Variants in TPCN2 observed in about 807,000 individuals in gnomAD.
TPCN2 encodes two pore channel protein 2.
In TPCN2, 92 loss-of-function variants were observed where a neutral mutation model predicts 111.4. The observed-to-expected ratio is 0.83, with a 90% CI of 0.70 to 0.98. The LOEUF (loss-of-function observed/expected upper bound fraction) is 0.98. TPCN2 is among the 50% of genes least tolerant of loss of function. The probability of loss-of-function intolerance (pLI) is 0.00; values close to 1 mark genes in which losing one functional copy is unlikely to be tolerated. For synonymous variants in TPCN2, 405 were observed against 414.5 expected (o/e 0.98, Z 0.28); for missense variants, 995 against 980.1 (o/e 1.02, Z -0.20).
rs1855323370 is a variant in TPCN2, at chr11:69,067,484, C to CT, written c.727-18dup. 6.2e-7 allele frequency: 1 copy of CT among 1,607,890 alleles called. No homozygotes were observed. The highest frequency in any genetic ancestry group is 1.1e-5 in the South Asian group (1 of 91,022). Reference sequence around the variant, plus strand: ...GTGGGGACCCAGTGGTGCCCTGGAGCTGCCGCTTCTGCTCTTAGCAGGATG... The same window carrying CT: ...GTGGGGACCCAGTGGTGCCCTGGAGCTTGCCGCTTCTGCTCTTAGCAGGATG... On this transcript the variant is annotated intron_variant, in intron 7 of 24. Transcript: ENST00000294309.
rs1856376286 is a variant in TPCN2 at position 69,089,254 on chromosome 11, CA to C, written c.*1303del. ...TACTCGTGTTGAATAATAACAATAA[CA>C]ATAACAATAACAATATGGAAACCAC... On this transcript the variant is annotated 3_prime_UTR_variant, in exon 25 of 25. Transcript: ENST00000294309. 6.6e-6 allele frequency: 1 copy of C among 152,126 alleles called. No individual in the cohort carries two copies. Among genetic ancestry groups the C allele is most frequent in the Non-Finnish European group, 1.5e-5 (1 of 68,022 alleles). The allele number at this position is 152,126 out of a possible 1,614,324, so 9.4% of individuals were successfully genotyped here. A position where few individuals can be genotyped will look rare whatever the true frequency, so the allele number is the denominator to read the frequency against.
In TPCN2 at chr11:69,054,754, T is replaced by A. The variant is rs745530126; in HGVS notation, c.208T>A (p.Ser70Thr). 6.2e-7 allele frequency: 1 copy of A among 1,614,156 alleles called. No homozygotes were observed. Among genetic ancestry groups the A allele is most frequent in the Non-Finnish European group, 8.5e-7 (1 of 1,180,014 alleles). ...CATCAACCACCGGGTGGATGCCAGC[T>A]CGATGTGGCTTTACCGACGGTATTA... ...RSINHRVDAS[S>T]MWLYRRYYSN... is the part of the protein sequence containing the mutation. Residue 70 changes from serine (S) to threonine (T), a missense_variant, in exon 3 of 25, where the codon TCG becomes ACG. Ser to Thr is a moderately conservative substitution (Grantham distance 58). Coordinates refer to ENST00000294309, the MANE Select transcript of TPCN2 (RefSeq NM_139075.4).
Position 69,063,985 on chromosome 11 carries a change from A to T in TPCN2, c.726+18A>T. 6.2e-7 allele frequency: 1 copy of T among 1,613,136 alleles called. No individual in the cohort carries two copies. Among genetic ancestry groups the T allele is most frequent in the Admixed American group, 1.7e-5 (1 of 59,964 alleles). On this transcript the variant is annotated intron_variant, in intron 7 of 24. Transcript: ENST00000294309. ...GTGGGAAGGTAGGGCACCCGTGGTC[A>T]GGGTCTGGGAATGGGGCTGCCCTGT...
intron 8 of TPCN2, among the ~76,000 whole-genome samples, chr11:69,067,931 G>A (rs1855345355): frequency 6.6e-6 from 1 of 152,072 alleles, no homozygotes; most frequent in Admixed American, 6.5e-5. Context: ...GCTGAAAGTG[G>A]CTGGTGTTCT....
intron 23 of TPCN2, 89 bp from the exon 24 acceptor site, chr11:69,087,023 C>A: frequency 1.8e-6 from 2 of 1,139,864 alleles, no homozygotes; most frequent in Non-Finnish European, 1.3e-6. Flanking sequence ...CAGCGGGTGC[C>A]CTGTGGCTGA....
chr11:69,088,153 A>G lies in TPCN2; in HGVS notation c.*200A>G. On this transcript the variant is annotated 3_prime_UTR_variant, in exon 25 of 25. Coordinates refer to ENST00000294309, the MANE Select transcript of TPCN2 (RefSeq NM_139075.4). The stretch of plus-strand genomic sequence containing the variant: ...TCTACAGAACAGCTGCTGGTGCTTC[A>G]GGGAGGCGCCGTGCCCTCCGCTTTC... 1 of 560,770 alleles carries G rather than the reference A, an allele frequency of 1.8e-6. No homozygotes were observed. The highest frequency in any genetic ancestry group is 3.2e-6 in the Non-Finnish European group (1 of 315,200). The allele number at this position is 560,770 out of a possible 1,614,324, so 34.7% of individuals were successfully genotyped here. A position where few individuals can be genotyped will look rare whatever the true frequency, so the allele number is the denominator to read the frequency against.
Position 69,054,021 on chromosome 11 carries a change from C to T in TPCN2, c.110-12C>T, listed in dbSNP as rs1002662968. ...CCTGCTCGGTCACCTGATGTGTCCC[C>T]TCTGCCTGCAGGTGCCGCGGCCAGG... is the stretch of plus-strand genomic sequence containing the variant. On this transcript the variant is annotated splice_polypyrimidine_tract_variant and intron_variant, in intron 1 of 24. Coordinates refer to ENST00000294309, the MANE Select transcript of TPCN2 (RefSeq NM_139075.4). 2.5e-6 allele frequency: 4 copies of T among 1,613,120 alleles called. No individual in the cohort carries two copies. Among genetic ancestry groups the T allele is most frequent in the Non-Finnish European group, 2.5e-6 (3 of 1,179,348 alleles).
chr11:69,076,508 A>C (rs1046207409), intron 13 of TPCN2, among the ~76,000 whole-genome samples: 1 of 151,756 alleles, frequency 6.6e-6, no homozygotes, highest in African/African-American at 2.4e-5. Context: ...ACTCCGATCC[A>C]CCCCGTAGCA....
chr11:69,086,443 G>A, intron 22 of TPCN2, 80 bp from the exon 23 acceptor site: 1 of 1,201,740 alleles, frequency 8.3e-7, no homozygotes, highest in East Asian at 2.3e-5. Flanking sequence ...AGCTGTCCTG[G>A]CCACGCAGCA....
intron 16 of TPCN2, 23 bp downstream of exon 16, chr11:69,079,043 C>A: frequency 6.3e-7 from 1 of 1,592,802 alleles, no homozygotes; most frequent in Non-Finnish European, 8.6e-7. Flanking sequence ...CATCCGAGGC[C>A]GGCCTCTACT....
intron 18 of TPCN2, among the ~76,000 whole-genome samples, chr11:69,081,742 G>A (rs1856020649): frequency 6.6e-6 from 1 of 152,120 alleles, no homozygotes; most frequent in Non-Finnish European, 1.5e-5. Context: ...TGTGGCGGGT[G>A]CAATGCTTTG....
In TPCN2 at chr11:69,085,192, C is replaced by T. The variant is rs2290420; in HGVS notation, c.1762-18C>T. On this transcript the variant is annotated intron_variant, in intron 19 of 24. Transcript: ENST00000294309. Reference sequence around the variant, plus strand: ...CCCATGGGTGGGGCTGATCAGTCCCCGGCTCCTGGCCCGCCAGGTGGTCTA... The same window carrying T: ...CCCATGGGTGGGGCTGATCAGTCCCTGGCTCCTGGCCCGCCAGGTGGTCTA... 0.014 allele frequency: 21,810 copies of T among 1,613,442 alleles called. 954 individuals carry two copies. The highest frequency in any genetic ancestry group is 0.13 in the East Asian group (5,739 of 44,866).
chr11:69,060,466 A>T (rs945781484), intron 5 of TPCN2, among the ~76,000 whole-genome samples: 2 of 152,046 alleles, frequency 1.3e-5, no homozygotes, highest in African/African-American at 4.8e-5. Context: ...GATAATATGG[A>T]GGCTGCCGGT....
At chr11:69,080,078 CCT>C (rs1354421723) in intron 17 of TPCN2, among the ~76,000 whole-genome samples, 195 bp downstream of exon 17, 3 of 152,230 alleles carry the variant, frequency 2.0e-5, no homozygotes, top group Non-Finnish European at 4.4e-5. Context: ...CTCTGGGGGT[CCT>C]CTCTCCAGAA....
chr11:69,053,180 A>C (rs1423956073), intron 1 of TPCN2, among the ~76,000 whole-genome samples: 1 of 152,228 alleles, frequency 6.6e-6, no homozygotes, highest in Non-Finnish European at 1.5e-5. Flanking sequence ...CCTCCTAGTC[A>C]GGAGCCACTG....
chr11:69,087,822 C>G (rs1234149582), intron 24 of TPCN2, 53 bp from the exon 25 acceptor site: 27 of 1,489,550 alleles, frequency 1.8e-5, no homozygotes, highest in Non-Finnish European at 2.2e-5. Context: ...GTGGGCAGGC[C>G]AGGGTCTCCC....
chr11:69,054,137 G>A (rs779098692), intron 2 of TPCN2, 40 bp downstream of exon 2: 3 of 1,580,956 alleles, frequency 1.9e-6, no homozygotes, highest in South Asian at 2.2e-5. Context: ...CCTGGGGGGT[G>A]GCCGCCCTCC....
Position 69,085,885 on chromosome 11 carries a change from A to G in TPCN2, c.1958A>G (p.Asn653Ser). ...ACTCTGTGGAACTTGATGGTGGTGA[A>G]CAACTGGCAGGTGTTTCTGGATGCA... Reference protein sequence around the residue: ...LVTLWNLMVVNNWQVFLDAYR... With the variant: ...LVTLWNLMVVSNWQVFLDAYR... The change falls in exon 22 of 25, where the codon AAC (asparagine) becomes AGC (serine). Residue 653 changes from asparagine (N) to serine (S), a missense_variant. Asn to Ser is a conservative substitution (Grantham distance 46). Transcript: ENST00000294309. The G allele has an allele frequency of 1.2e-6, 2 of 1,614,140 alleles. No individual in the cohort carries two copies. The highest frequency in any genetic ancestry group is 1.7e-6 in the Non-Finnish European group (2 of 1,180,004).
At chr11:69,077,748 C>A (rs1186340498) in intron 13 of TPCN2, among the ~76,000 whole-genome samples, 2 of 152,246 alleles carry the variant, frequency 1.3e-5, no homozygotes, top group African/African-American at 4.8e-5. Context: ...TCTCCATTTT[C>A]ATATGGACTT....
Sources: allele counts gnomAD v4.1 joint callset (sites outside exome capture counted in the v4.1 genomes callset), GRCh38; gene constraint gnomAD v4.1.1; transcripts MANE v1.5; gene names NCBI Gene and HGNC (gene_info 2026-07-23, HGNC 2026-07-21).